Variants in LRP1B observed in about 807,000 individuals in gnomAD.
LRP1B encodes low-density lipoprotein receptor-related protein 1B.
LRP1B carries 217 observed loss-of-function variants against 556.6 expected under a neutral mutation model. The observed-to-expected ratio is 0.39, with a 90% CI of 0.35 to 0.44. The LOEUF is 0.44. Among genes scored for constraint, LRP1B ranks in the 20% least tolerant of loss-of-function variants. The pLI is 1.00. For synonymous variants in LRP1B, 2,047 were observed against 1,865.8 expected (o/e 1.10, Z -2.50); for missense variants, 5,053 against 5,620.8 (o/e 0.90, Z 3.23).
At chr2:141,588,291 T>C (rs1687213149) in intron 2 of LRP1B, among the ~76,000 whole-genome samples, 1 of 152,070 alleles carries the variant, frequency 6.6e-6, no homozygotes, top group African/African-American at 2.4e-5. Flanking sequence ...GCAGAGGTAG[T>C]TGAAGGCTCC....
rs1271211435 is a variant in LRP1B at position 140,492,790 on chromosome 2, T to C, written c.9035-97A>G. On this transcript the variant is annotated intron_variant, in intron 56 of 90. Transcript: ENST00000389484. The stretch of plus-strand genomic sequence containing the variant: ...AGTTTAGCAGCAATGTGATTTCAAA[T>C]GCAGTGCTGATCTGGTAGCTTCAGG... The C allele has an allele frequency of 2.4e-5, 20 of 833,872 alleles. No individual in the cohort carries two copies. In the East Asian group the frequency reaches 3.4e-4, roughly 14 times the overall value. The allele number at this position is 833,872 out of a possible 1,614,324, so 51.7% of individuals were successfully genotyped here.
chr2:140,281,678 T>G (rs186951096), intron 84 of LRP1B, among the ~76,000 whole-genome samples: 26 of 151,996 alleles, frequency 1.7e-4, no homozygotes, highest in African/African-American at 6.3e-4. Flanking sequence ...TAAGGCTGCA[T>G]TCACACACAC....
intron 3 of LRP1B, among the ~76,000 whole-genome samples, chr2:141,382,062 G>C (rs373060813): frequency 1.3e-5 from 2 of 152,074 alleles, no homozygotes; most frequent in Non-Finnish European, 2.9e-5. Flanking sequence ...TCCCTGAAAG[G>C]CTTGGCTACC....
intron 7 of LRP1B, among the ~76,000 whole-genome samples, chr2:141,130,454 A>G (rs1574105345): frequency 1.3e-5 from 2 of 152,242 alleles, no homozygotes; most frequent in Middle Eastern, 6.8e-3. Context: ...TAATGTTTGT[A>G]ATGTGTTACA....
intron 1 of LRP1B, among the ~76,000 whole-genome samples, chr2:141,884,078 T>TA (rs1699036459): frequency 6.6e-6 from 1 of 152,138 alleles, no homozygotes; most frequent in Non-Finnish European, 1.5e-5. Context: ...TTATCAACTT[T>TA]AAAAATGTAT....
intron 7 of LRP1B, among the ~76,000 whole-genome samples, chr2:141,161,993 A>C (rs181911630): frequency 6.6e-6 from 1 of 152,132 alleles, no homozygotes; most frequent in African/African-American, 2.4e-5. Flanking sequence ...ATAGGATGAA[A>C]TCTCAGATGA....
chr2:141,424,253 A>G (rs1352014721), intron 3 of LRP1B, among the ~76,000 whole-genome samples: 1 of 151,842 alleles, frequency 6.6e-6, no homozygotes, highest in Non-Finnish European at 1.5e-5. Flanking sequence ...AGCTGGGATT[A>G]CAGGCATGCG....
At chr2:141,613,016 A>T (rs1442916278) in intron 2 of LRP1B, among the ~76,000 whole-genome samples, 2 of 150,132 alleles carry the variant, frequency 1.3e-5, no homozygotes, top group African/African-American at 4.9e-5. Context: ...TCACCGTGTT[A>T]GCCAGGATGG....
intron 43 of LRP1B, among the ~76,000 whole-genome samples, chr2:140,578,295 G>T (rs1681615444): frequency 6.6e-6 from 1 of 151,802 alleles, no homozygotes; most frequent in Non-Finnish European, 1.5e-5. Flanking sequence ...CATCTACAAT[G>T]ACACAACTTT....
intron 41 of LRP1B, among the ~76,000 whole-genome samples, chr2:140,603,958 G>A (rs960577155): frequency 3.1e-4 from 47 of 151,914 alleles, no homozygotes; most frequent in Non-Finnish European, 3.2e-4. Context: ...GCATGTATAT[G>A]TGTGTGTGTG....
chr2:140,957,068 G>A lies in LRP1B; in HGVS notation c.2888-5128C>T, dbSNP rs10168981. Among the ~76,000 whole-genome samples the A allele has an allele frequency of 8.4e-3, 1,280 of 151,664 alleles. 20 individuals carry two copies. The highest frequency in any genetic ancestry group is 0.03 in the African/African-American group (1,226 of 41,486). On this transcript the variant is annotated intron_variant, in intron 18 of 90. Transcript: ENST00000389484. ...AGAGTGCTTACAATCTACTAGGGAA[G>A]ACATTTGGAATACAATTAAGTGATT...
At position 142,062,558 on chromosome 2, in the gene LRP1B, C is replaced by T. The variant is rs112067860; in HGVS notation, c.82+68090G>A. 4.0e-4 allele frequency among the ~76,000 whole-genome samples: 61 copies of T among 151,688 alleles called. 1 individual carries two copies. Among genetic ancestry groups the T allele is most frequent in the African/African-American group, 1.4e-3 (57 of 41,424 alleles). ...AGCAGAAATAATTAATGTTGCTTTTCGGCAGCATGATTTATCAGGGATGAC... is the reference window on the plus strand; with the variant it reads ...AGCAGAAATAATTAATGTTGCTTTTTGGCAGCATGATTTATCAGGGATGAC... On this transcript the variant is annotated intron_variant, in intron 1 of 90. Transcript: ENST00000389484.
chr2:142,007,081 C>T (rs1374495507), intron 1 of LRP1B, among the ~76,000 whole-genome samples: 1 of 152,110 alleles, frequency 6.6e-6, no homozygotes, highest in African/African-American at 2.4e-5. Flanking sequence ...AGTTTGCCTC[C>T]AGATTTCACA....
intron 41 of LRP1B, among the ~76,000 whole-genome samples, chr2:140,662,501 T>C (rs550234404): frequency 1.3e-5 from 2 of 152,154 alleles, no homozygotes; most frequent in East Asian, 1.9e-4. Flanking sequence ...TAGATAAAGA[T>C]GAAAAAATTT....
chr2:140,437,990 C>T (rs541720902), intron 66 of LRP1B, among the ~76,000 whole-genome samples: 1 of 151,982 alleles, frequency 6.6e-6, no homozygotes, highest in Non-Finnish European at 1.5e-5. Flanking sequence ...TGTTATATAA[C>T]AAGTGTATAT....
intron 43 of LRP1B, among the ~76,000 whole-genome samples, chr2:140,560,459 A>G (rs1052443492): frequency 1.3e-5 from 2 of 151,964 alleles, no homozygotes; most frequent in African/African-American, 4.8e-5. Flanking sequence ...TTCTATAGGA[A>G]CTCTCTGTAC....
At chr2:140,467,051 T>C (rs1276325061) in intron 60 of LRP1B, among the ~76,000 whole-genome samples, 1 of 152,210 alleles carries the variant, frequency 6.6e-6, no homozygotes, top group African/African-American at 2.4e-5. Flanking sequence ...CTAAGGTATA[T>C]ATGCAATGTT....
At chr2:141,796,641 A>C (rs555849234) in intron 2 of LRP1B, among the ~76,000 whole-genome samples, 5 of 144,852 alleles carry the variant, frequency 3.5e-5, no homozygotes, top group African/African-American at 1.3e-4. Context: ...ATGCAGAGTC[A>C]TCAATACTCA....
At chr2:141,589,691 T>G (rs1687268783) in intron 2 of LRP1B, among the ~76,000 whole-genome samples, 1 of 152,212 alleles carries the variant, frequency 6.6e-6, no homozygotes, top group African/African-American at 2.4e-5. Flanking sequence ...GCAATTTGAT[T>G]GTGCCTCGAG....
Sources: allele counts gnomAD v4.1 joint callset (sites outside exome capture counted in the v4.1 genomes callset), GRCh38; gene constraint gnomAD v4.1.1; transcripts MANE v1.5; gene names NCBI Gene and HGNC (gene_info 2026-07-23, HGNC 2026-07-21).